The following CUX1 variants were observed in gnomAD, a reference collection of about 807,000 sequenced individuals.
CUX1 encodes protein CASP.
Under a neutral mutation model 158.8 loss-of-function variants are expected in CUX1, and 31 were observed. That is an observed-to-expected ratio of 0.20 (90% CI 0.15 to 0.26). CUX1 has a LOEUF of 0.26. Ranked by LOEUF, CUX1 falls within the 10% of genes least tolerant of loss-of-function variation. The pLI, the probability that CUX1 is intolerant of heterozygous loss-of-function variation, is 1.00. For synonymous variants in CUX1, 879 were observed against 862.1 expected (o/e 1.02, Z -0.34); for missense variants, 1,589 against 2,014.6 (o/e 0.79, Z 4.04).
intron 1 of CUX1, among the ~76,000 whole-genome samples, chr7:101,851,839 T>TC (rs1043291681): frequency 2.6e-5 from 4 of 151,370 alleles, no homozygotes; most frequent in African/African-American, 4.9e-5. Context: ...CTTTTTTTTT[T>TC]TTCTTTTGAG....
chr7:102,196,873 C>G lies in CUX1; in HGVS notation c.1462C>G (p.Leu488Val). 6.2e-7 allele frequency: 1 copy of G among 1,614,216 alleles called. No individual in the cohort carries two copies. Among genetic ancestry groups the G allele is most frequent in the South Asian group, 1.1e-5 (1 of 91,086 alleles). The change falls in exon 15 of 24, where the codon CTA (leucine) becomes GTA (valine). Residue 488 changes from leucine (L) to valine (V), a missense_variant. Transcript: ENST00000292535. ...ACTAAACTCTCTTCTCCAGCGGCAG[C>G]TAATGCAGTCCTTCTACTCCAAGGC... ...FALNSLLQRQ[L>V]MQSFYSKAMQ... is the part of the protein sequence containing the mutation.
At chr7:101,897,670 C>G (rs1443113244) in intron 1 of CUX1, among the ~76,000 whole-genome samples, 1 of 152,172 alleles carries the variant, frequency 6.6e-6, no homozygotes, top group African/African-American at 2.4e-5. Flanking sequence ...TCACACCCAG[C>G]TTCAATGTTA....
At chr7:102,095,881 G>A (rs555225496) in intron 4 of CUX1, among the ~76,000 whole-genome samples, 1 of 152,306 alleles carries the variant, frequency 6.6e-6, no homozygotes, top group African/African-American at 2.4e-5. Flanking sequence ...GTATGCCCCA[G>A]GTACCCAGCA....
intron 3 of CUX1, among the ~76,000 whole-genome samples, chr7:102,061,854 T>C (rs1187317857): frequency 6.6e-6 from 1 of 152,216 alleles, no homozygotes; most frequent in Non-Finnish European, 1.5e-5. Flanking sequence ...CGGCACTGTA[T>C]GTTACTCTCT....
chr7:101,949,515 T>G (rs559219183), intron 2 of CUX1, among the ~76,000 whole-genome samples: 8 of 149,758 alleles, frequency 5.3e-5, no homozygotes, highest in Admixed American at 2.7e-4. Context: ...TGCTTGCTTT[T>G]TTTTTTTTTC....
chr7:101,853,479 T>C (rs1187793984), intron 1 of CUX1, among the ~76,000 whole-genome samples: 1 of 152,240 alleles, frequency 6.6e-6, no homozygotes, highest in Non-Finnish European at 1.5e-5. Flanking sequence ...TCGCTTTGTC[T>C]GTTTTCCTCG....
At position 101,984,737 on chromosome 7, in the gene CUX1, G is replaced by A. The variant is rs552864068; in HGVS notation, c.142-43361G>A. On this transcript the variant is annotated intron_variant, in intron 2 of 23. Coordinates refer to ENST00000292535, the MANE Select transcript of CUX1 (RefSeq NM_181552.4). ...TGGCTGGCGTTCGCAAAACTCAGTC[G>A]TAAAAAACAGCACGTTCTCAGTACA... Among the ~76,000 whole-genome samples the A allele has an allele frequency of 6.6e-5, 10 of 152,164 alleles. No homozygotes were observed. In the South Asian group the frequency reaches 1.9e-3, roughly 28 times the overall value.
chr7:101,863,167 C>T (rs1393640356), intron 1 of CUX1, among the ~76,000 whole-genome samples: 1 of 152,058 alleles, frequency 6.6e-6, no homozygotes, highest in African/African-American at 2.4e-5. Context: ...ACCATTAGCA[C>T]ACCCTCGAAA....
At chr7:102,161,807 C>T (rs188318273) in intron 9 of CUX1, among the ~76,000 whole-genome samples, 247 of 152,140 alleles carry the variant, frequency 1.6e-3, no homozygotes, top group African/African-American at 5.6e-3. Context: ...GGGGTTTCAC[C>T]GTGTTGGCCA....
At chr7:102,230,767 C>G (rs570156824) in intron 21 of CUX1, among the ~76,000 whole-genome samples, 1 of 152,306 alleles carries the variant, frequency 6.6e-6, no homozygotes, top group South Asian at 2.1e-4. Flanking sequence ...GATTCCTAGA[C>G]TTGAGTCATC....
chr7:102,216,572 A>ACG (rs1797112527), intron 20 of CUX1, among the ~76,000 whole-genome samples: 1 of 50,108 alleles, frequency 2.0e-5, no homozygotes, highest in African/African-American at 5.9e-5. Flanking sequence ...ACACTCCCAC[A>ACG]CACACACTCT....
chr7:102,258,706 C>T (rs1223460037), downstream of CUX1, among the ~76,000 whole-genome samples: 9 of 152,214 alleles, frequency 5.9e-5, no homozygotes, highest in African/African-American at 1.9e-4. Context: ...CGGCCAGTCT[C>T]CTCTGCCGTG....
At chr7:101,933,193 G>T (rs983853766) in intron 2 of CUX1, among the ~76,000 whole-genome samples, 1 of 151,908 alleles carries the variant, frequency 6.6e-6, no homozygotes, top group Non-Finnish European at 1.5e-5. Context: ...CCAGTGCCTC[G>T]ATAAATCACC....
intron 8 of CUX1, among the ~76,000 whole-genome samples, chr7:102,124,486 G>A (rs1316114077): frequency 1.5e-5 from 2 of 135,238 alleles, no homozygotes; most frequent in African/African-American, 2.8e-5. Context: ...ATCCACAGTG[G>A]AATATGATGG....
rs1043300041 is a variant in CUX1 at position 102,256,758 on chromosome 7, C to T, written c.*7716C>T. 3.0e-5 allele frequency: 30 copies of T among 985,340 alleles called. No homozygotes were observed. The African/African-American group carries it at 3.7e-4, about 12-fold the overall frequency. The allele number at this position is 985,340 out of a possible 1,614,324, so 61.0% of individuals were successfully genotyped here. ...TAAGACTTCTGGGTTCATGAAGTTT[C>T]GGCGAGCCGTGGTCAGAGAGGGCGC... On this transcript the variant is annotated 3_prime_UTR_variant, in exon 24 of 24. Transcript: ENST00000292535.
chr7:101,862,036 T>G (rs1270847732), intron 1 of CUX1, among the ~76,000 whole-genome samples: 1 of 152,192 alleles, frequency 6.6e-6, no homozygotes, highest in Non-Finnish European at 1.5e-5. Flanking sequence ...GGTTTCACCA[T>G]GTTGGCCAGG....
chr7:102,192,935 A>G (rs1794435616), intron 12 of CUX1, among the ~76,000 whole-genome samples: 1 of 152,098 alleles, frequency 6.6e-6, no homozygotes, highest in African/African-American at 2.4e-5. Flanking sequence ...GGGGACCTGG[A>G]CTCACTGAGA....
At chr7:102,094,947 GT>G (rs1177885248) in intron 4 of CUX1, among the ~76,000 whole-genome samples, 1 of 151,822 alleles carries the variant, frequency 6.6e-6, no homozygotes. Flanking sequence ...CAGGAATTCT[GT>G]TTTTTTGTGT....
At position 102,273,694 on chromosome 7, in the gene CUX1, G is replaced by T. The variant is rs1038766767; in HGVS notation, c.1383+201G>T. Among the ~76,000 whole-genome samples, 4 of 152,216 alleles carry T rather than the reference G, an allele frequency of 2.6e-5. No individual in the cohort carries two copies. The highest frequency in any genetic ancestry group is 5.9e-5 in the Non-Finnish European group (4 of 68,040). ...CCGATTTGGGGTGACAGGCCATGGGGCAGAGGCCACAGGGCTTCCTAGCGG... is the reference window on the plus strand; with the variant it reads ...CCGATTTGGGGTGACAGGCCATGGGTCAGAGGCCACAGGGCTTCCTAGCGG... On this transcript the variant is annotated intron_variant, in intron 15 of 22. Coordinates refer to the CUX1 transcript ENST00000292538.
Sources: gnomAD v4.1 joint callset for allele counts (sites outside exome capture counted in the v4.1 genomes callset) on GRCh38, gnomAD v4.1.1 for gene constraint, MANE v1.5 for transcripts, NCBI Gene and HGNC (gene_info 2026-07-23, HGNC 2026-07-21) for gene names.